The following INO80 variants were observed in gnomAD, a reference collection of about 807,000 sequenced individuals.
INO80 encodes chromatin-remodeling ATPase INO80.
In INO80, 20 loss-of-function variants were observed where a neutral mutation model predicts 203.4. That is an observed-to-expected ratio of 0.10 (90% confidence interval 0.07 to 0.14). The LOEUF (loss-of-function observed/expected upper bound fraction) is 0.14, where lower values mean the gene tolerates loss of function less well. Among genes scored for constraint, INO80 ranks in the 10% least tolerant of loss-of-function variants. INO80 has a pLI of 1.00. For missense variants in INO80, 1,419 were observed against 1,914.4 expected, an observed-to-expected ratio of 0.74 and a Z score of 4.83; for synonymous variants, 726 against 685.2, an observed-to-expected ratio of 1.06 and a Z score of -0.93.
chr15:41,090,925 C>CTTTT (rs60647460), intron 5 of INO80, among the ~76,000 whole-genome samples: 3 of 124,508 alleles, frequency 2.4e-5, no homozygotes, highest in African/African-American at 6.3e-5. Flanking sequence ...TTTAGAAATT[C>CTTTT]TTTTTTTTTT....
intron 14 of INO80, among the ~76,000 whole-genome samples, chr15:41,060,365 G>T (rs567031169): frequency 6.6e-6 from 1 of 152,018 alleles, no homozygotes; most frequent in African/African-American, 2.4e-5. Flanking sequence ...GAGGCAGGCG[G>T]ATCACCTGAG....
chr15:41,053,604 T>C (rs1244673137), intron 19 of INO80, among the ~76,000 whole-genome samples: 1 of 152,232 alleles, frequency 6.6e-6, no homozygotes, highest in Non-Finnish European at 1.5e-5. Context: ...TATTCATTTA[T>C]AAAACATCTG....
chr15:41,109,918 C>T (rs565613390), intron 1 of INO80, among the ~76,000 whole-genome samples: 6 of 145,410 alleles, frequency 4.1e-5, no homozygotes, highest in Admixed American at 6.9e-5. Flanking sequence ...GACGACAGAG[C>T]GAGACTCCAC....
chr15:41,020,149 A>C (rs1234510691), intron 26 of INO80, among the ~76,000 whole-genome samples: 1 of 152,012 alleles, frequency 6.6e-6, no homozygotes, highest in Non-Finnish European at 1.5e-5. Flanking sequence ...TGAACCCAGG[A>C]GGCGGGGCTT....
chr15:41,099,844 G>A (rs185399730), intron 1 of INO80, among the ~76,000 whole-genome samples: 421 of 151,344 alleles, frequency 2.8e-3, no homozygotes, highest in African/African-American at 9.9e-3. Context: ...ACCCACTCCA[G>A]AAGATTTCAA....
intron 1 of INO80, among the ~76,000 whole-genome samples, chr15:41,106,679 T>G (rs1445267466): frequency 1.3e-5 from 2 of 152,198 alleles, no homozygotes; most frequent in Non-Finnish European, 2.9e-5. Flanking sequence ...TCCTAGGTGT[T>G]GTTTCTTTCA....
rs71104765 is a variant in INO80, at chr15:41,008,224, T to TACAC, written c.3403-2541_3403-2538dup. ...ATAAAGAATATGTGATATATATACA[T>TACAC]ACACACACACACACACACACACACA... On this transcript the variant is annotated intron_variant, in intron 27 of 35. Coordinates refer to ENST00000648947, the MANE Select transcript of INO80 (RefSeq NM_017553.3). Among the ~76,000 whole-genome samples the TACAC allele has an allele frequency of 1.2e-3, 181 of 148,936 alleles. 1 individual carries two copies. Among genetic ancestry groups the TACAC allele is most frequent in the African/African-American group, 4.2e-3 (169 of 40,286 alleles).
Position 41,049,272 on chromosome 15 carries a change from G to A in INO80, c.2576+15C>T. 1.2e-6 allele frequency: 2 copies of A among 1,606,122 alleles called. No individual in the cohort carries two copies. ...ATAAAACACTAATAGTGAACAGATA[G>A]TAATACTTCCCTACCTGTCTCGTGA... On this transcript the variant is annotated intron_variant, in intron 21 of 35. Transcript: ENST00000648947.
chr15:41,048,244 T>C lies in INO80; in HGVS notation c.2609A>G (p.Asp870Gly), dbSNP rs776676253. ...GTGAAAGAGAGACCGTTGGATATAG[T>C]CTGGTGCAAATGGAGAAAGAACCCT... ...WLRVLSPFAPDYIQRSLFHRK... is the reference protein window; with the variant it reads ...WLRVLSPFAPGYIQRSLFHRK... The change falls in exon 22 of 36, where the codon GAC becomes GGC. Residue 870 changes from aspartate (D) to glycine (G), a missense_variant. By Grantham distance (94) the Asp-to-Gly change is moderately conservative. Coordinates refer to ENST00000648947, the MANE Select transcript of INO80 (RefSeq NM_017553.3). The C allele has an allele frequency of 1.2e-6, 2 of 1,613,498 alleles. No individual in the cohort carries two copies. The highest frequency in any genetic ancestry group is 1.7e-6 in the Non-Finnish European group (2 of 1,179,610).
At chr15:41,059,581 G>C (rs1031331493) in intron 15 of INO80, among the ~76,000 whole-genome samples, 1 of 150,862 alleles carries the variant, frequency 6.6e-6, no homozygotes, top group Non-Finnish European at 1.5e-5. Flanking sequence ...CTTGAGCCAG[G>C]AGGTCAAGGC....
chr15:41,012,144 A>C (rs962635049), intron 27 of INO80, among the ~76,000 whole-genome samples: 1 of 152,232 alleles, frequency 6.6e-6, no homozygotes, highest in African/African-American at 2.4e-5. Flanking sequence ...TGCTACTAGA[A>C]TACAGAGAAG....
intron 1 of INO80, among the ~76,000 whole-genome samples, chr15:41,104,712 T>C (rs1351955484): frequency 6.6e-6 from 1 of 151,914 alleles, no homozygotes; most frequent in Non-Finnish European, 1.5e-5. Context: ...TAATTTTTTT[T>C]GTATTTTAGT....
intron 24 of INO80, among the ~76,000 whole-genome samples, chr15:41,035,388 T>C (rs930565145): frequency 1.3e-5 from 2 of 151,958 alleles, no homozygotes; most frequent in Non-Finnish European, 2.9e-5. Flanking sequence ...TAGCTGGGTG[T>C]AGTGGCACCT....
intron 1 of INO80, among the ~76,000 whole-genome samples, chr15:41,108,626 C>A (rs1365612665): frequency 6.6e-6 from 1 of 150,600 alleles, no homozygotes; most frequent in African/African-American, 2.4e-5. Context: ...AAAAGAAAAG[C>A]CACAAATAGA....
In INO80 at chr15:41,101,447, G is replaced by A. The variant is rs115012511; in HGVS notation, c.-43-5094C>T. Among the ~76,000 whole-genome samples, 349 of 152,192 alleles carry A rather than the reference G, an allele frequency of 2.3e-3. 1 individual carries two copies. The highest frequency in any genetic ancestry group is 8.3e-3 in the African/African-American group (344 of 41,528). ...TTCCCCGCTCATCTTGGAAGAGCCT[G>A]AAGAGCAAATCATTCCATCCTCTTT... On this transcript the variant is annotated intron_variant, in intron 1 of 35. Coordinates refer to ENST00000648947, the MANE Select transcript of INO80 (RefSeq NM_017553.3).
chr15:41,072,066 G>GAA lies in INO80; in HGVS notation c.1396-9_1396-8insTT. 4.5e-6 allele frequency: 4 copies of GAA among 887,856 alleles called. No individual in the cohort carries two copies. Among genetic ancestry groups the GAA allele is most frequent in the Non-Finnish European group, 6.0e-6 (4 of 667,608 alleles). The allele number at this position is 887,856 out of a possible 1,614,324, so 55.0% of individuals were successfully genotyped here. On this transcript the variant is annotated splice_polypyrimidine_tract_variant and intron_variant, in intron 11 of 35. Transcript: ENST00000648947. ...TTCATCAAATGACCTTGTCTGGAAA[G>GAA]TAAAAAAAAAAAAAATTAGAAAAAA...
intron 23 of INO80, among the ~76,000 whole-genome samples, chr15:41,046,937 A>G (rs1596290156): frequency 7.2e-6 from 1 of 139,442 alleles, no homozygotes. Context: ...AAACTGTACT[A>G]TTTTTTTTTT....
Position 40,983,768 on chromosome 15 carries a change from C to T in INO80, c.4231G>A (p.Val1411Met), listed in dbSNP as rs182463560. 28 of 1,612,186 alleles carry T rather than the reference C, an allele frequency of 1.7e-5. No individual in the cohort carries two copies. In the East Asian group the frequency reaches 2.0e-4, roughly 12 times the overall value. The stretch of plus-strand genomic sequence containing the variant: ...ACAAGACAGCAGCAATTACCATTCA[C>T]GGTATCTGAGACGGAGCCTGTTATG... Reference protein sequence around the residue: ...ASITGSVSDTVNGISIQEMPA... With the variant: ...ASITGSVSDTMNGISIQEMPA... Residue 1411 changes from valine (V) to methionine (M), a missense_variant, in exon 34 of 36, where the codon GTG (valine) becomes ATG (methionine). Val to Met is a conservative substitution (Grantham distance 21). Transcript: ENST00000648947.
intron 19 of INO80, among the ~76,000 whole-genome samples, chr15:41,051,777 T>A (rs1596294566): frequency 1.3e-5 from 2 of 151,946 alleles, no homozygotes; most frequent in East Asian, 3.9e-4. Context: ...ACCAACATGG[T>A]GAAACCTCAT....
Sources: gnomAD v4.1 joint callset for allele counts (sites outside exome capture counted in the v4.1 genomes callset) on GRCh38, gnomAD v4.1.1 for gene constraint, MANE v1.5 for transcripts, NCBI Gene and HGNC (gene_info 2026-07-23, HGNC 2026-07-21) for gene names.